The following PRKD1 variants were observed in gnomAD, a reference collection of about 807,000 sequenced individuals.
PRKD1 encodes protein kinase D1.
A neutral mutation model predicts 95.9 loss-of-function variants in PRKD1; 63 were observed. The observed-to-expected ratio is 0.66, with a 90% CI of 0.54 to 0.81. The LOEUF (loss-of-function observed/expected upper bound fraction) is 0.81, where lower values mean the gene tolerates loss of function less well. Among genes scored for constraint, PRKD1 ranks in the 30% least tolerant of loss-of-function variants. The pLI, the probability that PRKD1 is intolerant of heterozygous loss-of-function variation, is 0.00. For synonymous variants in PRKD1, 425 were observed against 423.1 expected (o/e 1.00, Z -0.05); for missense variants, 1,048 against 1,165.3 (o/e 0.90, Z 1.47).
intron 1 of PRKD1, among the ~76,000 whole-genome samples, chr14:29,840,939 C>T (rs990783829): frequency 6.6e-6 from 1 of 152,182 alleles, no homozygotes; most frequent in Non-Finnish European, 1.5e-5. Flanking sequence ...AGGGGTAGTG[C>T]TGACCAAGAC....
At chr14:29,777,563 G>C (rs189045482) in intron 1 of PRKD1, among the ~76,000 whole-genome samples, 1 of 152,288 alleles carries the variant, frequency 6.6e-6, no homozygotes, top group African/African-American at 2.4e-5. Context: ...TTACATAATG[G>C]TAAAGGGATC....
intron 1 of PRKD1, among the ~76,000 whole-genome samples, chr14:29,871,617 G>C (rs907742448): frequency 6.6e-6 from 1 of 152,218 alleles, no homozygotes; most frequent in Non-Finnish European, 1.5e-5. Context: ...TAATAAATGA[G>C]ATAATATGTG....
At chr14:29,798,672 A>C (rs1889911009) in intron 1 of PRKD1, among the ~76,000 whole-genome samples, 1 of 152,198 alleles carries the variant, frequency 6.6e-6, no homozygotes, top group Non-Finnish European at 1.5e-5. Flanking sequence ...ACTAGTCTAC[A>C]CTAAATTGTA....
chr14:29,607,469 C>A (rs1017273801), intron 13 of PRKD1, among the ~76,000 whole-genome samples: 2 of 152,150 alleles, frequency 1.3e-5, no homozygotes, highest in Non-Finnish European at 2.9e-5. Context: ...GAGGGAGAAC[C>A]GCTTCCAAGC....
In PRKD1 at chr14:29,627,938, G is replaced by GAT. The variant is rs1418109322; in HGVS notation, c.1725+1101_1725+1102dup. ...AAGAGAAGTGTTCTTTAGGCTTTCC[G>GAT]ATAACTCAATGGCCGATCCAAAATC... On this transcript the variant is annotated intron_variant, in intron 11 of 17. Coordinates refer to ENST00000331968, the MANE Select transcript of PRKD1 (RefSeq NM_002742.3). Among the ~76,000 whole-genome samples the GAT allele has an allele frequency of 6.6e-5, 10 of 152,240 alleles. No individual in the cohort carries two copies. The South Asian group carries it at 2.1e-3, about 32-fold the overall frequency.
intron 1 of PRKD1, among the ~76,000 whole-genome samples, chr14:29,778,583 A>C (rs1888885254): frequency 6.6e-6 from 1 of 152,156 alleles, no homozygotes; most frequent in African/African-American, 2.4e-5. Context: ...CCAAGACTAA[A>C]CCAGGAAAAA....
Position 29,819,088 on chromosome 14 carries a change from T to C in PRKD1, c.265-93414A>G, listed in dbSNP as rs543897775. Among the ~76,000 whole-genome samples, 4 of 152,088 alleles carry C rather than the reference T, an allele frequency of 2.6e-5. No homozygotes were observed. The East Asian group carries it at 5.8e-4, about 22-fold the overall frequency. Reference sequence around the variant, plus strand: ...TGTAAATGTCTGCATTAAAGGAAAATAGGGAGACAACAACAAAATGCAGTG... The same window carrying C: ...TGTAAATGTCTGCATTAAAGGAAAACAGGGAGACAACAACAAAATGCAGTG... On this transcript the variant is annotated intron_variant, in intron 1 of 17. Transcript: ENST00000331968.
intron 1 of PRKD1, among the ~76,000 whole-genome samples, chr14:29,856,678 A>G (rs1387491750): frequency 6.6e-6 from 1 of 152,210 alleles, no homozygotes; most frequent in African/African-American, 2.4e-5. Context: ...CCCAGATACC[A>G]TGAAGTCCAG....
chr14:29,776,375 A>G (rs1385028494), intron 1 of PRKD1, among the ~76,000 whole-genome samples: 1 of 152,184 alleles, frequency 6.6e-6, no homozygotes, highest in Non-Finnish European at 1.5e-5. Flanking sequence ...CGAACCCATC[A>G]CAAAGAAGCT....
At chr14:29,798,525 CTAATA>C (rs1889904982) in intron 1 of PRKD1, among the ~76,000 whole-genome samples, 1 of 152,132 alleles carries the variant, frequency 6.6e-6, no homozygotes, top group African/African-American at 2.4e-5. Context: ...TTCTGACTAC[CTAATA>C]TAATTCTCTC....
chr14:29,924,593 G>A (rs1895234136), intron 1 of PRKD1, among the ~76,000 whole-genome samples: 1 of 152,162 alleles, frequency 6.6e-6, no homozygotes, highest in Admixed American at 6.5e-5. Flanking sequence ...AACAACAGAT[G>A]TGGAAGACTC....
chr14:29,784,608 T>C (rs1889186356), intron 1 of PRKD1, among the ~76,000 whole-genome samples: 1 of 152,092 alleles, frequency 6.6e-6, no homozygotes, highest in South Asian at 2.1e-4. Context: ...GGGCTTTCAC[T>C]TCGAGATCTG....
At chr14:29,919,408 T>G (rs1301330190) in intron 1 of PRKD1, among the ~76,000 whole-genome samples, 1 of 152,170 alleles carries the variant, frequency 6.6e-6, no homozygotes, top group Non-Finnish European at 1.5e-5. Flanking sequence ...GCCATATAAT[T>G]GAACACTCTG....
In PRKD1 at chr14:29,916,544, C is replaced by T. The variant is rs548993242; in HGVS notation, c.264+10705G>A. The stretch of plus-strand genomic sequence containing the variant: ...GCTTTTGACAATGGTGAAAAAGCTA[C>T]GGCTGTTTGGTCAAGTGGTCATAAC... On this transcript the variant is annotated intron_variant, in intron 1 of 17. Transcript: ENST00000331968. Among the ~76,000 whole-genome samples, 32 of 152,304 alleles carry T rather than the reference C, an allele frequency of 2.1e-4. No homozygotes were observed. In the South Asian group the frequency reaches 5.0e-3, roughly 24 times the overall value.
At chr14:29,587,949 G>A (rs1892992845) in intron 16 of PRKD1, among the ~76,000 whole-genome samples, 1 of 152,026 alleles carries the variant, frequency 6.6e-6, no homozygotes, top group South Asian at 2.1e-4. Flanking sequence ...AAATTTCCTG[G>A]CACCCAGTCA....
At chr14:29,826,132 A>G (rs188869788) in intron 1 of PRKD1, among the ~76,000 whole-genome samples, 1 of 149,056 alleles carries the variant, frequency 6.7e-6, no homozygotes, top group African/African-American at 2.5e-5. Flanking sequence ...CTCTCTCTAT[A>G]TATATATATG....
At chr14:29,909,260 G>A (rs949596358) in intron 1 of PRKD1, among the ~76,000 whole-genome samples, 10 of 151,650 alleles carry the variant, frequency 6.6e-5, no homozygotes, top group Non-Finnish European at 1.0e-4. Context: ...CCTGCAGCCC[G>A]CCATGCCCGA....
At chr14:29,893,353 GAAT>G (rs1189938244) in intron 1 of PRKD1, among the ~76,000 whole-genome samples, 6 of 151,448 alleles carry the variant, frequency 4.0e-5, no homozygotes, top group African/African-American at 1.2e-4. Flanking sequence ...AAAATAATTA[GAAT>G]ATTATTTATT....
chr14:29,634,665 T>C (rs1268287220), intron 7 of PRKD1, 124 bp from the exon 8 acceptor site: 6 of 1,280,136 alleles, frequency 4.7e-6, no homozygotes, highest in Non-Finnish European at 5.5e-6. Flanking sequence ...TCATGTTTAG[T>C]AAAACGTATT....
Sources: allele counts gnomAD v4.1 joint callset (sites outside exome capture counted in the v4.1 genomes callset), GRCh38; gene constraint gnomAD v4.1.1; transcripts MANE v1.5; gene names NCBI Gene and HGNC (gene_info 2026-07-23, HGNC 2026-07-21).